ZNF469: variants seen among roughly 807,000 people sequenced by gnomAD.
ZNF469 encodes the protein zinc finger protein 469.
Under a neutral mutation model 1.0 loss-of-function variants are expected in ZNF469, and 1 was observed. The observed-to-expected ratio is 1.00, with a 90% CI of 0.35 to 4.73. ZNF469 has a LOEUF of 4.73. Among genes scored for constraint, ZNF469 ranks in the 30% most tolerant of loss-of-function variants. ZNF469 has a pLI of 0.16. For missense variants in ZNF469, 6,100 were observed against 5,356.3 expected, an observed-to-expected ratio of 1.14 and a Z score of -4.33; for synonymous variants, 2,703 against 2,363.4, an observed-to-expected ratio of 1.14 and a Z score of -4.17.
chr16:88,420,935 G>A (rs576149140), intron 1 of ZNF469, among the ~76,000 whole-genome samples: 1 of 152,080 alleles, frequency 6.6e-6, no homozygotes, highest in East Asian at 1.9e-4. Context: ...AGGAGTGAGT[G>A]GGGGTCGGGA....
chr16:88,156,683 C>T, the ZNF469 span, among the ~76,000 whole-genome samples: 27 of 152,242 alleles, frequency 1.8e-4, no homozygotes, highest in Admixed American at 1.4e-3. Flanking sequence ...CTACAGACCC[C>T]TGGAGCACCA....
At chr16:88,142,804 C>G in the ZNF469 span, among the ~76,000 whole-genome samples, 245 of 152,348 alleles carry the variant, frequency 1.6e-3, 2 homozygotes, top group African/African-American at 5.8e-3. Context: ...GTGGGTCACA[C>G]CTGTGTGCTG....
the ZNF469 span, among the ~76,000 whole-genome samples, chr16:88,294,488 C>A: frequency 6.6e-6 from 1 of 152,220 alleles, no homozygotes; most frequent in African/African-American, 2.4e-5. Flanking sequence ...CTGCCTCCTG[C>A]CCTCTGGGCT....
At chr16:88,142,272 G>A in the ZNF469 span, among the ~76,000 whole-genome samples, 5 of 152,238 alleles carry the variant, frequency 3.3e-5, no homozygotes, top group Non-Finnish European at 7.3e-5. Flanking sequence ...GGGTGAGCAG[G>A]TTCCCTGGGC....
At chr16:88,299,213 T>G in the ZNF469 span, among the ~76,000 whole-genome samples, 362 of 46,588 alleles carry the variant, frequency 7.8e-3, no homozygotes, top group Admixed American at 0.01. Context: ...CAGCTTGGGG[T>G]GGGGAGGGCT....
At chr16:88,263,174 G>A in the ZNF469 span, among the ~76,000 whole-genome samples, 1 of 152,160 alleles carries the variant, frequency 6.6e-6, no homozygotes, top group Non-Finnish European at 1.5e-5. Context: ...CGGGGTTTAC[G>A]GAGACTCAGG....
chr16:88,147,990 A>G, the ZNF469 span, among the ~76,000 whole-genome samples: 1 of 151,868 alleles, frequency 6.6e-6, no homozygotes, highest in African/African-American at 2.4e-5. Flanking sequence ...TGAAGCCTGC[A>G]ATGGGGCAGC....
intron 1 of ZNF469, among the ~76,000 whole-genome samples, 138 bp downstream of exon 1, chr16:88,383,392 C>T (rs2092530351): frequency 6.8e-6 from 1 of 147,718 alleles, no homozygotes; most frequent in South Asian, 2.1e-4. Context: ...CGCTCCCCGG[C>T]GGGGCCGGAC....
At chr16:88,258,101 C>A in the ZNF469 span, among the ~76,000 whole-genome samples, 11 of 152,224 alleles carry the variant, frequency 7.2e-5, no homozygotes, top group African/African-American at 2.6e-4. Flanking sequence ...TGGTACAGAC[C>A]AGTAGAAGCA....
At chr16:88,134,095 C>CTAAATGAA in the ZNF469 span, among the ~76,000 whole-genome samples, 12 of 108,526 alleles carry the variant, frequency 1.1e-4, no homozygotes, top group African/African-American at 3.6e-4. Context: ...GAGTCTCTGT[C>CTAAATGAA]TCAATGAATG....
chr16:88,317,309 TTC>T, the ZNF469 span, among the ~76,000 whole-genome samples: 1 of 152,224 alleles, frequency 6.6e-6, no homozygotes, highest in Non-Finnish European at 1.5e-5. Flanking sequence ...TCCTTCTGCC[TTC>T]TCCCCAGGGC....
At position 88,439,689 on chromosome 16, in the gene ZNF469, A is replaced by G. The variant is rs1041500644; in HGVS notation, c.*357A>G. On this transcript the variant is annotated 3_prime_UTR_variant, in exon 3 of 3. Transcript: ENST00000565624. ...CAGAAGCCAATGTTTGGAGATTTGCACAACCTCCCGTTCCCCCACATGGAG... is the reference window on the plus strand; with the variant it reads ...CAGAAGCCAATGTTTGGAGATTTGCGCAACCTCCCGTTCCCCCACATGGAG... 1 of 316,040 alleles carries G rather than the reference A, an allele frequency of 3.2e-6. No homozygotes were observed. The highest frequency in any genetic ancestry group is 4.6e-5 in the Admixed American group (1 of 21,594). The allele number at this position is 316,040 out of a possible 1,614,324, so 19.6% of individuals were successfully genotyped here.
intron 1 of ZNF469, among the ~76,000 whole-genome samples, chr16:88,398,219 A>T: frequency 6.6e-6 from 1 of 151,834 alleles, no homozygotes. Flanking sequence ...CACCCTCCTC[A>T]CTACTGGTCC....
chr16:88,147,376 T>C, the ZNF469 span, among the ~76,000 whole-genome samples: 1 of 151,968 alleles, frequency 6.6e-6, no homozygotes, highest in African/African-American at 2.4e-5. Flanking sequence ...CCATGTTGTT[T>C]TAGCCACAGA....
At chr16:88,206,611 C>G in the ZNF469 span, among the ~76,000 whole-genome samples, 1 of 151,928 alleles carries the variant, frequency 6.6e-6, no homozygotes, top group East Asian at 1.9e-4. Flanking sequence ...TGGTCCAGCC[C>G]AGCAGCCAGA....
chr16:88,434,468 A>G lies in ZNF469; in HGVS notation c.6998A>G (p.Asn2333Ser), dbSNP rs753943817. 3.2e-6 allele frequency: 5 copies of G among 1,549,928 alleles called. No individual in the cohort carries two copies. The highest frequency in any genetic ancestry group is 2.4e-5 in the East Asian group (1 of 40,910). The change falls in exon 3 of 3, where the codon AAT becomes AGT. Residue 2333 changes from asparagine to serine, a missense_variant. By Grantham distance (46) the Asn-to-Ser change is conservative (BLOSUM62 1). Transcript: ENST00000565624. ...GGCCACTCCTCGTATTCTCCAAGCA[A>G]TACTGCCCGCCTCGGCCACAGGGAG... ...PRGHSSYSPS[N>S]TARLGHREGQ...
At chr16:88,376,743 G>C in the ZNF469 span, among the ~76,000 whole-genome samples, 2 of 152,238 alleles carry the variant, frequency 1.3e-5, no homozygotes, top group Non-Finnish European at 2.9e-5. Flanking sequence ...GAGGCTCGCG[G>C]GGTGTCCCGG....
chr16:88,171,113 A>C, the ZNF469 span, among the ~76,000 whole-genome samples: 1 of 152,276 alleles, frequency 6.6e-6, no homozygotes, highest in Non-Finnish European at 1.5e-5. Flanking sequence ...CGTTAAATAA[A>C]TAACAAGGTA....
In ZNF469 at chr16:88,429,339, C is replaced by A; in HGVS notation, c.1869C>A (p.Ser623Arg). The change falls in exon 3 of 3, where the codon AGC becomes AGA. Residue 623 changes from serine to arginine, a missense_variant. Physicochemically the swap from Ser to Arg is moderately radical, Grantham distance 110. Transcript: ENST00000565624. ...CAGCCAACCCCAGCTCAGAGGAAAGCCAGCTCCCCGGCCCCCTCGGGCCCT... is the reference window on the plus strand; with the variant it reads ...CAGCCAACCCCAGCTCAGAGGAAAGACAGCTCCCCGGCCCCCTCGGGCCCT... ...SSPANPSSEE[S>R]QLPGPLGPSA... 1 of 1,549,962 alleles carries A rather than the reference C, an allele frequency of 6.5e-7. No homozygotes were observed. Among genetic ancestry groups the A allele is most frequent in the South Asian group, 1.2e-5 (1 of 84,060 alleles).
Sources: gnomAD v4.1 joint callset for allele counts (sites outside exome capture counted in the v4.1 genomes callset) on GRCh38, gnomAD v4.1.1 for gene constraint, MANE v1.5 for transcripts, NCBI Gene and HGNC (gene_info 2026-07-23, HGNC 2026-07-21) for gene names.